The following ANKS1B variants were observed in gnomAD, a reference collection of about 807,000 sequenced individuals.
ANKS1B encodes ankyrin repeat and sterile alpha motif domain containing 1B.
A neutral mutation model predicts 148.3 loss-of-function variants in ANKS1B; 36 were observed. The ratio of observed to expected loss-of-function variants is 0.24; its 90% confidence interval spans 0.19 to 0.32. ANKS1B has a LOEUF of 0.32. Ranked by LOEUF, ANKS1B falls within the 10% of genes least tolerant of loss-of-function variation. The pLI is 1.00. For missense variants in ANKS1B, 1,157 were observed against 1,542.6 expected (o/e 0.75, Z 4.19); for synonymous variants, 542 against 560.8 (o/e 0.97, Z 0.47).
chr12:98,892,489 G>A (rs1283466608), intron 17 of ANKS1B, among the ~76,000 whole-genome samples: 2 of 152,100 alleles, frequency 1.3e-5, no homozygotes, highest in Non-Finnish European at 2.9e-5. Context: ...ATATAGTACC[G>A]CTATCTTAAA....
intron 12 of ANKS1B, among the ~76,000 whole-genome samples, chr12:99,330,644 T>G (rs571489227): frequency 6.6e-6 from 1 of 152,180 alleles, no homozygotes; most frequent in East Asian, 1.9e-4. Context: ...GATACATTGC[T>G]TGCACTGATA....
chr12:99,942,641 A>G (rs1336974539), intron 1 of ANKS1B, among the ~76,000 whole-genome samples: 1 of 152,152 alleles, frequency 6.6e-6, no homozygotes, highest in Non-Finnish European at 1.5e-5. Flanking sequence ...AAGATCCAGT[A>G]AAGGCATAAA....
At chr12:99,067,554 G>A (rs1353745340) in intron 16 of ANKS1B, among the ~76,000 whole-genome samples, 1 of 152,160 alleles carries the variant, frequency 6.6e-6, no homozygotes, top group Non-Finnish European at 1.5e-5. Flanking sequence ...AGCAAGAGAG[G>A]CAGAAAAGGG....
chr12:98,823,819 C>T (rs530044593), intron 19 of ANKS1B, among the ~76,000 whole-genome samples: 88 of 152,346 alleles, frequency 5.8e-4, no homozygotes, highest in Admixed American at 1.1e-3. Flanking sequence ...AAATGCTGTT[C>T]CTTTCTTGGT....
At chr12:99,605,237 T>A (rs1294979703) in intron 9 of ANKS1B, among the ~76,000 whole-genome samples, 1 of 152,120 alleles carries the variant, frequency 6.6e-6, no homozygotes, top group African/African-American at 2.4e-5. Context: ...TGCATACTTA[T>A]GGAGTGTACA....
chr12:99,127,349 TA>T (rs2064713150), intron 15 of ANKS1B, among the ~76,000 whole-genome samples: 1 of 151,806 alleles, frequency 6.6e-6, no homozygotes, highest in African/African-American at 2.4e-5. Context: ...CTTTTTTTTT[TA>T]AAGCCTGACA....
intron 8 of ANKS1B, among the ~76,000 whole-genome samples, chr12:99,658,961 ATATT>A (rs1470475592): frequency 3.3e-5 from 5 of 152,188 alleles, no homozygotes; most frequent in Non-Finnish European, 7.3e-5. Flanking sequence ...GAAACAATAA[ATATT>A]TATTGAATGA....
intron 17 of ANKS1B, among the ~76,000 whole-genome samples, chr12:98,937,956 G>A (rs983115938): frequency 6.6e-6 from 1 of 152,034 alleles, no homozygotes; most frequent in Non-Finnish European, 1.5e-5. Flanking sequence ...GATCTTGTGA[G>A]AACTCCCTCA....
rs185245974 is a variant in ANKS1B at position 98,928,612 on chromosome 12, C to T, written c.2779-96476G>A. Among the ~76,000 whole-genome samples the T allele has an allele frequency of 2.1e-3, 322 of 152,050 alleles. 3 individuals carry two copies. Among genetic ancestry groups the T allele is most frequent in the African/African-American group, 7.4e-3 (307 of 41,532 alleles). On this transcript the variant is annotated intron_variant, in intron 17 of 26. Coordinates refer to ENST00000683438, the MANE Select transcript of ANKS1B (RefSeq NM_001352186.2). ...TCAAGTGGGATGCATCCTGGGAATGCAAGATGTATTTAACATACAAACATA... is the reference window on the plus strand; with the variant it reads ...TCAAGTGGGATGCATCCTGGGAATGTAAGATGTATTTAACATACAAACATA...
At chr12:99,538,771 C>T (rs1322541402) in intron 9 of ANKS1B, among the ~76,000 whole-genome samples, 1 of 152,116 alleles carries the variant, frequency 6.6e-6, no homozygotes, top group East Asian at 1.9e-4. Flanking sequence ...ACTTCCAGTA[C>T]TACGTTGAAT....
chr12:98,949,304 T>C (rs1048096838), intron 17 of ANKS1B, among the ~76,000 whole-genome samples: 11 of 152,092 alleles, frequency 7.2e-5, no homozygotes, highest in Non-Finnish European at 1.2e-4. Flanking sequence ...TGGGAAACCA[T>C]GAAGACTAGG....
At chr12:98,878,671 C>T (rs759596613) in intron 17 of ANKS1B, among the ~76,000 whole-genome samples, 12 of 152,120 alleles carry the variant, frequency 7.9e-5, no homozygotes, top group Non-Finnish European at 1.2e-4. Context: ...ACTTCTGAGG[C>T]TTTTGTTAAA....
intron 1 of ANKS1B, among the ~76,000 whole-genome samples, chr12:99,959,029 A>T (rs555229645): frequency 6.6e-6 from 1 of 151,128 alleles, no homozygotes; most frequent in South Asian, 2.1e-4. Context: ...TTGGAGAATA[A>T]TAATTTTTAA....
At chr12:98,854,122 A>C (rs2099548334) in intron 17 of ANKS1B, among the ~76,000 whole-genome samples, 1 of 152,200 alleles carries the variant, frequency 6.6e-6, no homozygotes, top group South Asian at 2.1e-4. Flanking sequence ...TCAACTTTGG[A>C]GTAGGTTCCT....
intron 9 of ANKS1B, among the ~76,000 whole-genome samples, chr12:99,650,493 A>G (rs749370900): frequency 5.9e-5 from 9 of 152,156 alleles, no homozygotes; most frequent in Non-Finnish European, 8.8e-5. Flanking sequence ...GAAAGGGCTT[A>G]ATTTTCCCAG....
At chr12:99,773,674 C>A (rs1306743568) in intron 7 of ANKS1B, among the ~76,000 whole-genome samples, 1 of 151,976 alleles carries the variant, frequency 6.6e-6, no homozygotes, top group Admixed American at 6.6e-5. Flanking sequence ...CAGAAAGATA[C>A]CTTATACCTG....
At chr12:98,797,966 T>C (rs919361485) in intron 22 of ANKS1B, among the ~76,000 whole-genome samples, 1 of 152,196 alleles carries the variant, frequency 6.6e-6, no homozygotes, top group Non-Finnish European at 1.5e-5. Context: ...GTTACTCAGA[T>C]ACCAGCATAG....
At chr12:99,477,068 G>A (rs1478837638) in intron 10 of ANKS1B, among the ~76,000 whole-genome samples, 3 of 152,164 alleles carry the variant, frequency 2.0e-5, no homozygotes, top group Non-Finnish European at 4.4e-5. Flanking sequence ...GACAGCAGGA[G>A]AGAGCTAATA....
rs2075678196 is a variant in ANKS1B, at chr12:99,154,299, A to G, written c.2516T>C (p.Val839Ala). 1.2e-6 allele frequency: 2 copies of G among 1,613,548 alleles called. No homozygotes were observed. The highest frequency in any genetic ancestry group is 3.3e-5 in the Admixed American group (2 of 59,980). ...CAGAGAGCTTCTTACCATAAACTGCACATTGTCAAATCCATTAGCCATCAG... is the reference window on the plus strand; with the variant it reads ...CAGAGAGCTTCTTACCATAAACTGCGCATTGTCAAATCCATTAGCCATCAG... ...NHLMANGFDN[V>A]QFMGSNVMED... The change falls in exon 15 of 27, where the codon GTG (valine) becomes GCG (alanine). Residue 839 changes from valine to alanine, a missense_variant. Val to Ala is a moderately conservative substitution (Grantham distance 64, BLOSUM62 0). Around this residue, in one of 6 missense-constraint regions of ANKS1B, gnomAD observed 258 missense variants for 497.0 expected, o/e 0.52. Transcript: ENST00000683438.
Sources: gnomAD v4.1 joint callset for allele counts (sites outside exome capture counted in the v4.1 genomes callset) on GRCh38, gnomAD v4.1.1 for gene constraint, gnomAD v4.1.1 regional missense constraint, MANE v1.5 for transcripts, NCBI Gene and HGNC (gene_info 2026-07-23, HGNC 2026-07-21) for gene names.